The following KIF16B variants were observed in gnomAD, a reference collection of about 807,000 sequenced individuals.
The protein encoded by KIF16B is kinesin-like protein KIF16B.
KIF16B carries 98 observed loss-of-function variants against 156.3 expected under a neutral mutation model. That is an observed-to-expected ratio of 0.63 (90% CI 0.53 to 0.74). The LOEUF (loss-of-function observed/expected upper bound fraction) is 0.74, where lower values mean the gene tolerates loss of function less well. Ranked by LOEUF, KIF16B falls within the 30% of genes least tolerant of loss-of-function variation. The pLI is 0.00. For missense variants in KIF16B, 1,421 were observed against 1,606.5 expected, an observed-to-expected ratio of 0.88 and a Z score of 1.97; for synonymous variants, 564 against 583.7, an observed-to-expected ratio of 0.97 and a Z score of 0.49.
intron 1 of KIF16B, among the ~76,000 whole-genome samples, chr20:16,564,203 C>A (rs6075071): frequency 6.6e-6 from 1 of 152,076 alleles, no homozygotes; most frequent in Non-Finnish European, 1.5e-5. Context: ...GGAGTCCTTG[C>A]GGTAATTTGC....
At chr20:16,437,981 A>T (rs1568981933) in intron 12 of KIF16B, among the ~76,000 whole-genome samples, 2 of 124,042 alleles carry the variant, frequency 1.6e-5, no homozygotes, top group Non-Finnish European at 1.8e-5. Flanking sequence ...AAAAATAAAA[A>T]AAAATAATAA....
At chr20:16,374,177 A>C (rs1039249006) in intron 20 of KIF16B, 80 bp downstream of exon 20, 24 of 1,365,256 alleles carry the variant, frequency 1.8e-5, no homozygotes, top group Non-Finnish European at 2.3e-5. Context: ...CCCTCCAGAT[A>C]CAAAGTAGTT....
chr20:16,499,423 G>A (rs993928428), intron 10 of KIF16B, among the ~76,000 whole-genome samples: 2 of 152,190 alleles, frequency 1.3e-5, no homozygotes, highest in African/African-American at 4.8e-5. Flanking sequence ...GGTTTGCATA[G>A]AATGAAGCCA....
chr20:16,303,608 T>G (rs1242445840), intron 25 of KIF16B, among the ~76,000 whole-genome samples: 1 of 152,198 alleles, frequency 6.6e-6, no homozygotes, highest in Non-Finnish European at 1.5e-5. Context: ...TTCAACACGG[T>G]TTTAACTGGA....
chr20:16,356,385 G>C lies in KIF16B; in HGVS notation c.3566C>G (p.Pro1189Arg). Residue 1189 changes from proline to arginine, a missense_variant, in exon 23 of 26, where the codon CCA becomes CGA. By Grantham distance (103) the Pro-to-Arg change is moderately radical. Transcript: ENST00000354981. ...DLKDPIKISI[P>R]RYVLCGQGKD... Reference sequence around the variant, plus strand: ...TCCTTGCCCGCAGAGGACGTAGCGTGGGATACTAATTTTAATTGGGTCCTT... The same window carrying C: ...TCCTTGCCCGCAGAGGACGTAGCGTCGGATACTAATTTTAATTGGGTCCTT... 6.2e-7 allele frequency: 1 copy of C among 1,614,162 alleles called. No homozygotes were observed. The highest frequency in any genetic ancestry group is 8.5e-7 in the Non-Finnish European group (1 of 1,180,008).
intron 17 of KIF16B, among the ~76,000 whole-genome samples, chr20:16,384,333 AC>A (rs1165002567): frequency 6.6e-6 from 1 of 152,144 alleles, no homozygotes; most frequent in Non-Finnish European, 1.5e-5. Flanking sequence ...TGGGGTACTG[AC>A]CCCAGAATTT....
intron 12 of KIF16B, among the ~76,000 whole-genome samples, chr20:16,474,806 T>C (rs1015436879): frequency 6.6e-6 from 1 of 152,194 alleles, no homozygotes; most frequent in African/African-American, 2.4e-5. Flanking sequence ...TAGTTTTTGG[T>C]GAGGGAAAAA....
chr20:16,542,531 G>A (rs968637355), intron 1 of KIF16B, among the ~76,000 whole-genome samples: 1 of 152,210 alleles, frequency 6.6e-6, no homozygotes, highest in Non-Finnish European at 1.5e-5. Context: ...GCAAAGGAAG[G>A]CAAGCAGCCA....
chr20:16,379,559 C>T lies in KIF16B; in HGVS notation c.2443G>A (p.Gly815Ser). 6.2e-7 allele frequency: 1 copy of T among 1,614,162 alleles called. No individual in the cohort carries two copies. The highest frequency in any genetic ancestry group is 8.5e-7 in the Non-Finnish European group (1 of 1,180,042). The stretch of plus-strand genomic sequence containing the variant: ...AGTTGAGCCTTTTCTAACTCCTCGC[C>T]ATCTTCATCCCCTCCGGCACGAGCC... ...KEARAGGDED[G>S]EELEKAQLRF... Residue 815 changes from glycine (G) to serine (S), a missense_variant, in exon 19 of 26, where the codon GGC becomes AGC. Gly to Ser is a moderately conservative substitution (Grantham distance 56). Coordinates refer to ENST00000354981, the MANE Select transcript of KIF16B (RefSeq NM_024704.5).
intron 3 of KIF16B, among the ~76,000 whole-genome samples, chr20:16,525,646 C>A (rs2147138895): frequency 6.6e-6 from 1 of 152,244 alleles, no homozygotes; most frequent in African/African-American, 2.4e-5. Flanking sequence ...TTTCTAGAAT[C>A]CACTCTAAAA....
At chr20:16,495,243 C>A (rs2068416841) in intron 11 of KIF16B, among the ~76,000 whole-genome samples, 1 of 152,128 alleles carries the variant, frequency 6.6e-6, no homozygotes. Flanking sequence ...GCAGCAGACA[C>A]CCTCCCATTA....
chr20:16,414,591 A>G (rs538943440), intron 15 of KIF16B, among the ~76,000 whole-genome samples: 2 of 152,268 alleles, frequency 1.3e-5, no homozygotes, highest in Non-Finnish European at 2.9e-5. Flanking sequence ...TTGATTTTCA[A>G]TCTTGGCTAC....
chr20:16,386,685 T>C (rs571838500), intron 17 of KIF16B, among the ~76,000 whole-genome samples: 3 of 151,728 alleles, frequency 2.0e-5, no homozygotes, highest in Non-Finnish European at 2.9e-5. Flanking sequence ...GAATATCTGA[T>C]AGACAGAGAG....
chr20:16,459,529 TCAGATGACTCAAGTGTAA>T (rs1416213909), intron 12 of KIF16B, among the ~76,000 whole-genome samples: 1 of 152,188 alleles, frequency 6.6e-6, no homozygotes, highest in African/African-American at 2.4e-5. Context: ...CATTTGGACC[TCAGATGACTCAAGTGTAA>T]CAGAACTCAG....
chr20:16,528,465 G>A, intron 1 of KIF16B, 25 bp from the exon 2 acceptor site: 1 of 1,463,574 alleles, frequency 6.8e-7, no homozygotes, highest in South Asian at 1.1e-5. Flanking sequence ...ATTCAGTAGT[G>A]GTTAGAAGAG....
chr20:16,468,419 C>CA (rs2067557249), intron 12 of KIF16B, among the ~76,000 whole-genome samples: 1 of 150,992 alleles, frequency 6.6e-6, no homozygotes, highest in African/African-American at 2.4e-5. Flanking sequence ...CACAAATACA[C>CA]AAAAAAATTA....
intron 23 of KIF16B, among the ~76,000 whole-genome samples, chr20:16,349,817 C>T (rs1419175135): frequency 6.6e-6 from 1 of 152,168 alleles, no homozygotes; most frequent in African/African-American, 2.4e-5. Flanking sequence ...CTTTTAAGTT[C>T]AGGGAGGACT....
chr20:16,454,952 C>G (rs1197546779), intron 12 of KIF16B, among the ~76,000 whole-genome samples: 1 of 152,162 alleles, frequency 6.6e-6, no homozygotes, highest in East Asian at 1.9e-4. Flanking sequence ...CATGGGACAT[C>G]TTATTCTGGC....
chr20:16,406,622 T>C (rs2065793627), intron 15 of KIF16B, among the ~76,000 whole-genome samples, 166 bp from the exon 16 acceptor site: 1 of 152,174 alleles, frequency 6.6e-6, no homozygotes, highest in African/African-American at 2.4e-5. Flanking sequence ...ATTTCAAATC[T>C]GGAAATACCT....
Sources: gnomAD v4.1 joint callset for allele counts (sites outside exome capture counted in the v4.1 genomes callset) on GRCh38, gnomAD v4.1.1 for gene constraint, MANE v1.5 for transcripts, NCBI Gene and HGNC (gene_info 2026-07-23, HGNC 2026-07-21) for gene names.